The following CCSER1 variants were observed in gnomAD, a reference collection of about 807,000 sequenced individuals.
The protein encoded by CCSER1 is serine-rich coiled-coil domain-containing protein 1.
CCSER1 carries 41 observed loss-of-function variants against 82.0 expected under a neutral mutation model. The ratio of observed to expected loss-of-function variants is 0.50; its 90% confidence interval spans 0.39 to 0.65. The LOEUF is 0.65. CCSER1 is among the 30% of genes least tolerant of loss of function. The pLI is 0.00. For missense variants in CCSER1, 1,119 were observed against 1,064.2 expected (o/e 1.05, Z -0.72); for synonymous variants, 414 against 383.9 (o/e 1.08, Z -0.92).
At chr4:90,511,491 G>A (rs1362337629) in intron 5 of CCSER1, among the ~76,000 whole-genome samples, 1 of 152,150 alleles carries the variant, frequency 6.6e-6, no homozygotes, top group Non-Finnish European at 1.5e-5. Flanking sequence ...AGTGCTATTC[G>A]AATGAGTTCA....
intron 9 of CCSER1, among the ~76,000 whole-genome samples, chr4:90,960,468 A>G (rs113455171): frequency 0.012 from 1,774 of 152,280 alleles, 14 homozygotes; most frequent in Non-Finnish European, 0.018. Flanking sequence ...CATTAGGTTC[A>G]GGCTTCTTAC....
At chr4:91,156,538 TATTAA>T (rs1410060396) in intron 10 of CCSER1, among the ~76,000 whole-genome samples, 1 of 151,446 alleles carries the variant, frequency 6.6e-6, no homozygotes, top group Non-Finnish European at 1.5e-5. Context: ...AGAATTAAAT[TATTAA>T]ATTAAAAATT....
chr4:90,535,983 A>T (rs1197784750), intron 5 of CCSER1, among the ~76,000 whole-genome samples: 1 of 151,634 alleles, frequency 6.6e-6, no homozygotes, highest in Non-Finnish European at 1.5e-5. Flanking sequence ...GTAACATAAC[A>T]TACAAACTAG....
intron 8 of CCSER1, among the ~76,000 whole-genome samples, chr4:90,915,544 T>C (rs971847652): frequency 1.2e-4 from 18 of 151,964 alleles, no homozygotes; most frequent in African/African-American, 2.4e-4. Context: ...TATGACAAAC[T>C]CACAGCCAAT....
chr4:90,591,414 G>T (rs1254998739), intron 5 of CCSER1, among the ~76,000 whole-genome samples: 1 of 152,080 alleles, frequency 6.6e-6, no homozygotes, highest in Non-Finnish European at 1.5e-5. Context: ...CATTGATGCG[G>T]CCAGCAAACA....
intron 8 of CCSER1, among the ~76,000 whole-genome samples, chr4:90,912,908 C>T (rs540490112): frequency 7.9e-5 from 12 of 151,730 alleles, no homozygotes; most frequent in Non-Finnish European, 1.2e-4. Flanking sequence ...ATCAAATGAA[C>T]GAAATGAAGT....
chr4:90,742,886 A>C (rs555835383), intron 7 of CCSER1, among the ~76,000 whole-genome samples: 77 of 152,338 alleles, frequency 5.1e-4, no homozygotes, highest in Middle Eastern at 3.4e-3. Context: ...TGGATGCATT[A>C]AGTAGCCATG....
intron 9 of CCSER1, among the ~76,000 whole-genome samples, chr4:90,948,077 C>T (rs1464911394): frequency 2.6e-5 from 4 of 151,942 alleles, no homozygotes; most frequent in Non-Finnish European, 5.9e-5. Flanking sequence ...AAGTAAACTG[C>T]ATCTTTCTGC....
chr4:90,783,353 CAGCTA>C (rs1390306216), intron 7 of CCSER1, among the ~76,000 whole-genome samples: 5 of 152,164 alleles, frequency 3.3e-5, no homozygotes, highest in Admixed American at 6.5e-5. Flanking sequence ...TAGAGAAAAG[CAGCTA>C]AGATCCGTTT....
chr4:90,413,031 A>G (rs1755137651), intron 4 of CCSER1, among the ~76,000 whole-genome samples: 2 of 152,192 alleles, frequency 1.3e-5, no homozygotes, highest in South Asian at 4.1e-4. Context: ...TGCTGAAGAC[A>G]TGATCATATA....
At chr4:91,199,518 A>G (rs1009585440) in intron 10 of CCSER1, among the ~76,000 whole-genome samples, 1 of 152,104 alleles carries the variant, frequency 6.6e-6, no homozygotes, top group Non-Finnish European at 1.5e-5. Context: ...TATATGATTG[A>G]CATTAAAGGT....
intron 1 of CCSER1, among the ~76,000 whole-genome samples, chr4:90,162,305 T>C (rs1578261886): frequency 1.3e-5 from 2 of 152,268 alleles, no homozygotes; most frequent in South Asian, 2.1e-4. Context: ...TTACATGCTC[T>C]GATCACAATA....
intron 10 of CCSER1, among the ~76,000 whole-genome samples, chr4:91,391,445 C>T (rs916231950): frequency 1.3e-5 from 2 of 152,030 alleles, no homozygotes; most frequent in Non-Finnish European, 2.9e-5. Context: ...GGACTACAGG[C>T]GTGTGCCACC....
At chr4:90,886,318 C>T (rs1243965620) in intron 8 of CCSER1, among the ~76,000 whole-genome samples, 2 of 152,118 alleles carry the variant, frequency 1.3e-5, no homozygotes, top group Non-Finnish European at 2.9e-5. Context: ...ATCTTTCAGG[C>T]ATCAGGTTCT....
At chr4:91,516,128 T>G (rs532012932) in intron 10 of CCSER1, among the ~76,000 whole-genome samples, 2 of 152,230 alleles carry the variant, frequency 1.3e-5, no homozygotes, top group African/African-American at 4.8e-5. Flanking sequence ...AGAAGCATAG[T>G]TTGTAAATAT....
chr4:91,228,299 T>C (rs561885370), intron 10 of CCSER1, among the ~76,000 whole-genome samples: 19 of 152,108 alleles, frequency 1.2e-4, no homozygotes, highest in Non-Finnish European at 2.8e-4. Context: ...ACGTATCTAG[T>C]TTTTAGAAGC....
At chr4:91,547,649 G>A (rs1475765345) in intron 10 of CCSER1, among the ~76,000 whole-genome samples, 1 of 152,006 alleles carries the variant, frequency 6.6e-6, no homozygotes, top group Non-Finnish European at 1.5e-5. Context: ...TCTTATAATT[G>A]TTATATTTCT....
At chr4:91,167,904 GGCC>G (rs1732272344) in intron 10 of CCSER1, among the ~76,000 whole-genome samples, 1 of 151,362 alleles carries the variant, frequency 6.6e-6, no homozygotes, top group South Asian at 2.1e-4. Flanking sequence ...GCCTCTGCCC[GGCC>G]GCCACCCCGT....
chr4:90,297,922 C>T (rs1019410984), intron 1 of CCSER1, among the ~76,000 whole-genome samples: 7 of 151,998 alleles, frequency 4.6e-5, no homozygotes, highest in African/African-American at 1.7e-4. Context: ...ATTTTTGTAT[C>T]AATGTTCATC....
Sources: allele counts gnomAD v4.1 joint callset (sites outside exome capture counted in the v4.1 genomes callset), GRCh38; gene constraint gnomAD v4.1.1; transcripts MANE v1.5; gene names NCBI Gene and HGNC (gene_info 2026-07-23, HGNC 2026-07-21).